Variants in FAF2 observed in about 807,000 individuals in gnomAD.
The protein encoded by FAF2 is FAS-associated factor 2.
In FAF2, 9 loss-of-function variants were observed where a neutral mutation model predicts 62.3. That is an observed-to-expected ratio of 0.14 (90% confidence interval 0.09 to 0.25). The LOEUF is 0.25. Among genes scored for constraint, FAF2 ranks in the 10% least tolerant of loss-of-function variants. The pLI is 1.00. For missense variants in FAF2, 368 were observed against 556.2 expected (o/e 0.66, Z 3.40); for synonymous variants, 202 against 198.0 (o/e 1.02, Z -0.17).
At chr5:176,483,223 A>G (rs1758813725) in intron 2 of FAF2, among the ~76,000 whole-genome samples, 1 of 152,074 alleles carries the variant, frequency 6.6e-6, no homozygotes, top group South Asian at 2.1e-4. Context: ...TGCCGCATTC[A>G]TGATAGTGTA....
At chr5:176,492,060 G>A in intron 4 of FAF2, 134 bp from the exon 5 acceptor site, 1 of 920,414 alleles carries the variant, frequency 1.1e-6, no homozygotes, top group Non-Finnish European at 1.7e-6. Flanking sequence ...CGGATTTGAT[G>A]GTCCACTCAC....
intron 2 of FAF2, 131 bp downstream of exon 2, chr5:176,479,387 G>A (rs1267086243): frequency 9.6e-6 from 7 of 728,024 alleles, no homozygotes; most frequent in Non-Finnish European, 1.4e-5. Flanking sequence ...AAATAAAAGT[G>A]CAGGAAGGTA....
chr5:176,496,616 T>A lies in FAF2; in HGVS notation c.792T>A (p.Phe264Leu). 6.2e-7 allele frequency: 1 copy of A among 1,610,956 alleles called. No individual in the cohort carries two copies. The highest frequency in any genetic ancestry group is 8.5e-7 in the Non-Finnish European group (1 of 1,178,500). Residue 264 changes from phenylalanine to leucine, a missense_variant, in exon 8 of 11, where the codon TTT (phenylalanine) becomes TTA (leucine). Phe to Leu is a conservative substitution (Grantham distance 22). Coordinates refer to ENST00000261942, the MANE Select transcript of FAF2 (RefSeq NM_014613.3). ...ATGACCTCATTAACCAACTGACATT[T>A]ATCATGGATGCTAACCAGACTTACC... Reference protein sequence around the residue: ...QPDDLINQLTFIMDANQTYLV... With the variant: ...QPDDLINQLTLIMDANQTYLV...
chr5:176,489,316 C>A (rs1182580405), intron 4 of FAF2, among the ~76,000 whole-genome samples: 1 of 140,240 alleles, frequency 7.1e-6, no homozygotes, highest in Non-Finnish European at 1.5e-5. Flanking sequence ...TATTTGTCAC[C>A]TCTACACTTC....
chr5:176,451,775 C>G (rs1306545062), intron 1 of FAF2, among the ~76,000 whole-genome samples: 3 of 88,306 alleles, frequency 3.4e-5, no homozygotes, highest in African/African-American at 1.2e-4. Context: ...CATATATATA[C>G]GTGTGTGTGT....
chr5:176,455,927 A>T (rs1335782911), intron 1 of FAF2, among the ~76,000 whole-genome samples: 1 of 152,188 alleles, frequency 6.6e-6, no homozygotes, highest in South Asian at 2.1e-4. Flanking sequence ...GTTAAAATGA[A>T]TATTTTTATT....
At chr5:176,452,899 A>G (rs1479257604) in intron 1 of FAF2, among the ~76,000 whole-genome samples, 1 of 152,222 alleles carries the variant, frequency 6.6e-6, no homozygotes, top group Admixed American at 6.5e-5. Context: ...CACAGGGGTC[A>G]GTACAGAACA....
intron 2 of FAF2, 23 bp downstream of exon 2, chr5:176,479,279 C>T: frequency 1.9e-6 from 3 of 1,591,492 alleles, no homozygotes; most frequent in Non-Finnish European, 2.6e-6. Context: ...GTGTTCTGAG[C>T]TTATTTCTTT....
At chr5:176,476,950 C>T (rs1290618707) in intron 1 of FAF2, among the ~76,000 whole-genome samples, 1 of 151,522 alleles carries the variant, frequency 6.6e-6, no homozygotes, top group Admixed American at 6.6e-5. Flanking sequence ...GCTGGGACTA[C>T]AGGCGCCCAC....
chr5:176,476,810 T>A (rs1484392381), intron 1 of FAF2, among the ~76,000 whole-genome samples: 1 of 138,322 alleles, frequency 7.2e-6, no homozygotes, highest in African/African-American at 2.8e-5. Flanking sequence ...ACTAATTTTT[T>A]TTTTTTTTTT....
At chr5:176,481,585 A>G (rs1388991679) in intron 2 of FAF2, among the ~76,000 whole-genome samples, 1 of 151,970 alleles carries the variant, frequency 6.6e-6, no homozygotes, top group East Asian at 2.0e-4. Context: ...TGAACTCGGG[A>G]GGCAGAGCTT....
chr5:176,471,500 A>G (rs560358590), intron 1 of FAF2, among the ~76,000 whole-genome samples: 109 of 149,212 alleles, frequency 7.3e-4, no homozygotes, highest in Middle Eastern at 3.5e-3. Flanking sequence ...CTCCTGCCTC[A>G]GCCTCCTGAG....
intron 1 of FAF2, among the ~76,000 whole-genome samples, chr5:176,462,336 A>C (rs1043323060): frequency 6.6e-6 from 1 of 152,022 alleles, no homozygotes; most frequent in African/African-American, 2.4e-5. Flanking sequence ...TGGTTAATTG[A>C]TATTTAATAG....
chr5:176,476,804 ATTTTTTTTTTTTT>A lies in FAF2; in HGVS notation c.64-2373_64-2361del, dbSNP rs749952460. ...CACGCAGCACCACCATGCTGAACTA[ATTTTTTTTTTTTT>A]TTTTTTTTTTGAGATGGAGTCTTCC... On this transcript the variant is annotated intron_variant, in intron 1 of 10. Coordinates refer to ENST00000261942, the MANE Select transcript of FAF2 (RefSeq NM_014613.3). Among the ~76,000 whole-genome samples the A allele has an allele frequency of 4.5e-3, 415 of 92,884 alleles. 3 individuals carry two copies. The highest frequency in any genetic ancestry group is 0.019 in the African/African-American group (400 of 20,620). The allele number at this position is 92,884 out of a possible 152,430, so 60.9% of individuals were successfully genotyped here.
intron 4 of FAF2, among the ~76,000 whole-genome samples, chr5:176,489,466 A>G (rs986493398): frequency 6.6e-6 from 1 of 152,076 alleles, no homozygotes; most frequent in Non-Finnish European, 1.5e-5. Context: ...GAGATTACCC[A>G]GTTTGCCCTT....
At chr5:176,501,976 C>T (rs13185227) in intron 10 of FAF2, among the ~76,000 whole-genome samples, 103,024 of 151,792 alleles carry the variant, frequency 0.68, 35,085 homozygotes, top group Non-Finnish European at 0.7. Context: ...AGGCCGGTCT[C>T]GAACTCCTAA....
chr5:176,484,567 A>C (rs984906884), intron 2 of FAF2, among the ~76,000 whole-genome samples: 3 of 152,188 alleles, frequency 2.0e-5, no homozygotes, highest in African/African-American at 7.2e-5. Context: ...GCTATGCTAG[A>C]GAGAAGCCAG....
At chr5:176,490,310 C>CAAA (rs34742727) in intron 4 of FAF2, among the ~76,000 whole-genome samples, 2 of 114,348 alleles carry the variant, frequency 1.7e-5, no homozygotes, top group Non-Finnish European at 3.6e-5. Flanking sequence ...GACTCCGTCT[C>CAAA]AAAAAAAAAA....
chr5:176,486,818 T>C (rs559716185), intron 3 of FAF2, among the ~76,000 whole-genome samples: 13 of 152,326 alleles, frequency 8.5e-5, no homozygotes, highest in African/African-American at 3.1e-4. Context: ...TGTAGGAGCT[T>C]TGGCCACGTC....
Sources: gnomAD v4.1 joint callset for allele counts (sites outside exome capture counted in the v4.1 genomes callset) on GRCh38, gnomAD v4.1.1 for gene constraint, MANE v1.5 for transcripts, NCBI Gene and HGNC (gene_info 2026-07-23, HGNC 2026-07-21) for gene names.